DFFA: variants seen among roughly 807,000 people sequenced by gnomAD.
DFFA encodes the protein DNA fragmentation factor subunit alpha, also known as DFF45.
Under a neutral mutation model 28.0 loss-of-function variants are expected in DFFA, and 14 were observed. The observed-to-expected ratio is 0.50, with a 90% CI of 0.33 to 0.78. The LOEUF (loss-of-function observed/expected upper bound fraction) is 0.78, where lower values mean the gene tolerates loss of function less well. Ranked by LOEUF, DFFA falls within the 30% of genes least tolerant of loss-of-function variation. The probability of loss-of-function intolerance (pLI) is 0.02; values close to 1 mark genes in which losing one functional copy is unlikely to be tolerated. For missense variants in DFFA, 395 were observed against 407.1 expected, an observed-to-expected ratio of 0.97 and a Z score of 0.26; for synonymous variants, 158 against 170.3, an observed-to-expected ratio of 0.93 and a Z score of 0.56.
At chr1:10,462,132 A>G (rs1283803022) in intron 5 of DFFA, among the ~76,000 whole-genome samples, 6 of 152,044 alleles carry the variant, frequency 3.9e-5, no homozygotes, top group Non-Finnish European at 5.9e-5. Flanking sequence ...TGCTGGGATT[A>G]CAGGCGTGAG....
chr1:10,462,243 C>A (rs1418159693), intron 5 of DFFA, among the ~76,000 whole-genome samples: 1 of 152,218 alleles, frequency 6.6e-6, no homozygotes, highest in Non-Finnish European at 1.5e-5. Context: ...GCAACCTCCA[C>A]CTCCTGGGTT....
chr1:10,466,560 G>A (rs937926268), intron 3 of DFFA, among the ~76,000 whole-genome samples: 2 of 152,002 alleles, frequency 1.3e-5, no homozygotes, highest in African/African-American at 2.4e-5. Flanking sequence ...TGGTGACAGC[G>A]CTGGGATGTG....
chr1:10,461,316 T>C lies in DFFA; in HGVS notation c.*174A>G. The C allele has an allele frequency of 9.3e-7, 1 of 1,071,602 alleles. No individual in the cohort carries two copies. Among genetic ancestry groups the C allele is most frequent in the Non-Finnish European group, 1.3e-6 (1 of 771,828 alleles). The allele number at this position is 1,071,602 out of a possible 1,614,324, so 66.4% of individuals were successfully genotyped here. A position where few individuals can be genotyped will look rare whatever the true frequency, so the allele number is the denominator to read the frequency against. Reference sequence around the variant, plus strand: ...AAATTGGCAGAAGTCCTGAAGCTGGTGGGGCTAAAAAAAAAATTGGTGGAA... The same window carrying C: ...AAATTGGCAGAAGTCCTGAAGCTGGCGGGGCTAAAAAAAAAATTGGTGGAA... On this transcript the variant is annotated 3_prime_UTR_variant, in exon 6 of 6. Coordinates refer to ENST00000377038, the MANE Select transcript of DFFA (RefSeq NM_004401.3).
chr1:10,472,263 G>A lies in DFFA; in HGVS notation c.136+60C>T. The A allele has an allele frequency of 2.1e-6, 3 of 1,456,034 alleles. No individual in the cohort carries two copies. Among genetic ancestry groups the A allele is most frequent in the Non-Finnish European group, 2.7e-6 (3 of 1,093,642 alleles). The allele number at this position is 1,456,034 out of a possible 1,614,324, so 90.2% of individuals were successfully genotyped here. On this transcript the variant is annotated intron_variant, in intron 1 of 5. Transcript: ENST00000377038. This position sits in a 1 kb window ranked among gnomAD's most constrained non-coding sequence, Gnocchi z 5.0. ...CCTCTCCTGACCCCGCCTCGCCCCCGCCGGACGTCCTCACCCGGCCCTGGC... is the reference window on the plus strand; with the variant it reads ...CCTCTCCTGACCCCGCCTCGCCCCCACCGGACGTCCTCACCCGGCCCTGGC...
Position 10,463,125 on chromosome 1 carries a change from C to T in DFFA, c.716G>A (p.Ser239Asn), listed in dbSNP as rs780211685. Residue 239 changes from serine (S) to asparagine (N), a missense_variant, in exon 5 of 6, where the codon AGC (serine) becomes AAC (asparagine). Ser to Asn is a conservative substitution (Grantham distance 46). Coordinates refer to ENST00000377038, the MANE Select transcript of DFFA (RefSeq NM_004401.3). Reference sequence around the variant, plus strand: ...CTCCCTCAGTGCAGTAAGGATGTGGCTCGCCAGCGCAACGTCCGAGGAGGT... The same window carrying T: ...CTCCCTCAGTGCAGTAAGGATGTGGTTCGCCAGCGCAACGTCCGAGGAGGT... ...RETSSDVALA[S>N]HILTALREKQ... The T allele has an allele frequency of 1.9e-6, 3 of 1,614,066 alleles. No homozygotes were observed. In the South Asian group the frequency reaches 3.3e-5, roughly 18 times the overall value.
At chr1:10,465,886 T>G (rs191576821) in intron 3 of DFFA, among the ~76,000 whole-genome samples, 1 of 150,534 alleles carries the variant, frequency 6.6e-6, no homozygotes, top group African/African-American at 2.4e-5. Flanking sequence ...TTTTACCACA[T>G]CAAACTCCTG....
intron 3 of DFFA, among the ~76,000 whole-genome samples, chr1:10,464,587 C>T (rs768514745): frequency 7.9e-5 from 12 of 152,146 alleles, no homozygotes; most frequent in Non-Finnish European, 1.6e-4. Context: ...TGGTGGAGTA[C>T]GCCTGTGGTC....
intron 5 of DFFA, chr1:10,462,349 C>T (rs61776039): frequency 0.016 from 12,651 of 814,288 alleles, 444 homozygotes; most frequent in African/African-American, 0.11. Flanking sequence ...TCAGGCTGGT[C>T]TCGAACTCCT....
intron 3 of DFFA, among the ~76,000 whole-genome samples, chr1:10,466,187 CT>C (rs1242122160): frequency 6.6e-6 from 1 of 151,734 alleles, no homozygotes; most frequent in African/African-American, 2.4e-5. Flanking sequence ...TTATCCCAAT[CT>C]TTTTTTTCTT....
At position 10,461,689 on chromosome 1, in the gene DFFA, TC is replaced by T. The variant is rs1557792113; in HGVS notation, c.796del (p.Glu266LysfsTer10). The T allele has an allele frequency of 6.2e-7, 1 of 1,614,224 alleles. No individual in the cohort carries two copies. The highest frequency in any genetic ancestry group is 1.7e-5 in the Admixed American group (1 of 60,024). ...SSQDLELVTK[E>X]DPKALAVALN... ...GGCAACAGCCAGTGCTTTGGGGTCT[TC>T]CTTGGTAACCAACTGCAGCAAGAAT... is the stretch of plus-strand genomic sequence containing the variant. On this transcript the variant is annotated frameshift_variant, in exon 6 of 6. Transcript: ENST00000377038. LOFTEE classifies it low-confidence loss of function (END_TRUNC).
rs1206710003 is a variant in DFFA, at chr1:10,472,308, G to A, written c.136+15C>T. 2 of 1,566,590 alleles carry A rather than the reference G, an allele frequency of 1.3e-6. No individual in the cohort carries two copies. The highest frequency in any genetic ancestry group is 1.7e-6 in the Non-Finnish European group (2 of 1,151,132). ...CCTGGCTCCCCCACACCCTCGCCCGGGGTCCCGAGCCAACCCTTGCTCCTC... is the reference window on the plus strand; with the variant it reads ...CCTGGCTCCCCCACACCCTCGCCCGAGGTCCCGAGCCAACCCTTGCTCCTC... On this transcript the variant is annotated intron_variant, in intron 1 of 5. Transcript: ENST00000377038. The surrounding 1 kb of genome is among the most constrained non-coding windows in gnomAD (Gnocchi z 5.0).
Position 10,458,361 on chromosome 1 carries a change from CA to C in DFFA, c.*3128del, listed in dbSNP as rs1640886301. 6.6e-6 allele frequency: 1 copy of C among 151,928 alleles called. No homozygotes were observed. The highest frequency in any genetic ancestry group is 1.5e-5 in the Non-Finnish European group (1 of 67,996). The allele number at this position is 151,928 out of a possible 1,614,324, so 9.4% of individuals were successfully genotyped here. A position where few individuals can be genotyped will look rare whatever the true frequency, so the allele number is the denominator to read the frequency against. The stretch of plus-strand genomic sequence containing the variant: ...TTAAAGGATAATTAAGGAGGCATTA[CA>C]AAATAAGCTATAAAAAAGGAAATGT... On this transcript the variant is annotated 3_prime_UTR_variant, in exon 6 of 6. Coordinates refer to ENST00000377038, the MANE Select transcript of DFFA (RefSeq NM_004401.3).
intron 5 of DFFA, chr1:10,462,006 G>C (rs924047103): frequency 3.8e-6 from 1 of 261,724 alleles, no homozygotes; most frequent in Non-Finnish European, 5.9e-6. Flanking sequence ...AGGTGCCCAC[G>C]ACCACGCCTG....
chr1:10,462,725 G>T, intron 5 of DFFA: 1 of 1,139,000 alleles, frequency 8.8e-7, no homozygotes, highest in African/African-American at 1.6e-5. Context: ...CCTCAGGACG[G>T]ACTATAGATC....
At chr1:10,465,490 T>G (rs1641008178) in intron 3 of DFFA, among the ~76,000 whole-genome samples, 1 of 151,880 alleles carries the variant, frequency 6.6e-6, no homozygotes, top group Non-Finnish European at 1.5e-5. Flanking sequence ...GGTCTTGAAC[T>G]CTTGACCTTG....
intron 1 of DFFA, among the ~76,000 whole-genome samples, chr1:10,470,817 A>G (rs1190646854): frequency 1.3e-5 from 2 of 148,446 alleles, no homozygotes; most frequent in Non-Finnish European, 3.0e-5. Flanking sequence ...TAATCCCAGC[A>G]CTTTGGGAGG....
intron 1 of DFFA, among the ~76,000 whole-genome samples, chr1:10,471,103 C>G (rs1017733127): frequency 6.7e-6 from 1 of 149,130 alleles, no homozygotes; most frequent in Non-Finnish European, 1.5e-5. Context: ...TTGTTCTTTA[C>G]AGTATCTTCC....
rs560415790 is a variant in DFFA at position 10,456,613 on chromosome 1, C to T, written c.*4877G>A. Reference sequence around the variant, plus strand: ...ATGCAGGTTTTCTTTTTTCTACAGACTACTATTATTTTATTCTTGTCTCTC... The same window carrying T: ...ATGCAGGTTTTCTTTTTTCTACAGATTACTATTATTTTATTCTTGTCTCTC... On this transcript the variant is annotated 3_prime_UTR_variant, in exon 6 of 6. Coordinates refer to ENST00000377038, the MANE Select transcript of DFFA (RefSeq NM_004401.3). 2.0e-5 allele frequency: 3 copies of T among 150,514 alleles called. No individual in the cohort carries two copies. Among genetic ancestry groups the T allele is most frequent in the Non-Finnish European group, 4.4e-5 (3 of 67,754 alleles). 9.3% of individuals were successfully genotyped at this position (150,514 alleles called of 1,614,324 possible).
At chr1:10,468,589 C>T (rs1408795566) in intron 2 of DFFA, among the ~76,000 whole-genome samples, 1 of 151,924 alleles carries the variant, frequency 6.6e-6, no homozygotes, top group Non-Finnish European at 1.5e-5. Flanking sequence ...ATGTAATTTG[C>T]ACAAGGTCAC....
Sources: allele counts gnomAD v4.1 joint callset (sites outside exome capture counted in the v4.1 genomes callset), GRCh38; gene constraint gnomAD v4.1.1; non-coding constraint Gnocchi (gnomAD v3.1); transcripts MANE v1.5; gene names NCBI Gene and HGNC (gene_info 2026-07-23, HGNC 2026-07-21).